The following TMEM204 variants were observed in gnomAD, a reference collection of about 807,000 sequenced individuals.
The protein encoded by TMEM204 is transmembrane protein 204.
In TMEM204, 15 loss-of-function variants were observed where a neutral mutation model predicts 19.4. That is an observed-to-expected ratio of 0.77 (90% CI 0.52 to 1.19). TMEM204 has a LOEUF of 1.19. Ranked by LOEUF, TMEM204 falls within the 50% of genes most tolerant of loss-of-function variation. The probability of loss-of-function intolerance (pLI) is 0.00; values close to 1 mark genes in which losing one functional copy is unlikely to be tolerated. For missense variants in TMEM204, 287 were observed against 321.2 expected, an observed-to-expected ratio of 0.89 and a Z score of 0.81; for synonymous variants, 161 against 146.0, an observed-to-expected ratio of 1.10 and a Z score of -0.74.
At chr16:1,530,528 C>A (rs544502574), upstream of TMEM204, among the ~76,000 whole-genome samples, 2 of 152,210 alleles carry the variant, frequency 1.3e-5, no homozygotes, top group Non-Finnish European at 2.9e-5. Flanking sequence ...TCTACCTGCC[C>A]CGCGTGGCTC....
At chr16:1,529,740 G>A (rs571447912), upstream of TMEM204, among the ~76,000 whole-genome samples, 121 of 152,302 alleles carry the variant, frequency 7.9e-4, no homozygotes, top group African/African-American at 2.6e-3. Context: ...AAAAATCCAC[G>A]TGGAAGGACC....
chr16:1,529,686 G>T (rs1298407102), upstream of TMEM204, among the ~76,000 whole-genome samples: 1 of 152,224 alleles, frequency 6.6e-6, no homozygotes, highest in African/African-American at 2.4e-5. Context: ...TCTAACAGCA[G>T]AAAACCAAGG....
Position 1,555,059 on chromosome 16 carries a change from C to T in TMEM204, c.*33C>T. The T allele has an allele frequency of 6.3e-7, 1 of 1,582,558 alleles. No individual in the cohort carries two copies. The highest frequency in any genetic ancestry group is 1.3e-5 in the African/African-American group (1 of 74,740). ...TTCTCAGCGCTCCATCAACGCACAC[C>T]TGCTATCGTGGAACAGCCTAGAAAC... On this transcript the variant is annotated 3_prime_UTR_variant, in exon 3 of 3. Transcript: ENST00000566264.
intron 1 of TMEM204, among the ~76,000 whole-genome samples, chr16:1,535,552 C>T (rs1029973600): frequency 1.2e-4 from 19 of 152,216 alleles, no homozygotes; most frequent in Admixed American, 9.8e-4. Context: ...TCCAGGCTTC[C>T]GAGGGAGTCC....
chr16:1,541,591 G>A (rs2050117), intron 1 of TMEM204: 143,418 of 722,652 alleles, frequency 0.2, 15,017 homozygotes, highest in South Asian at 0.33. Context: ...CCACGCCAGC[G>A]CCTTCAAGGG....
intron 2 of TMEM204, among the ~76,000 whole-genome samples, chr16:1,544,610 G>A (rs147664101): frequency 1.6e-3 from 239 of 152,156 alleles, no homozygotes; most frequent in African/African-American, 1.8e-3. Context: ...AATTACAAAC[G>A]TGTGCTACTG....
At chr16:1,538,568 G>A (rs1179797722) in intron 1 of TMEM204, among the ~76,000 whole-genome samples, 2 of 152,306 alleles carry the variant, frequency 1.3e-5, no homozygotes, top group East Asian at 1.9e-4. Context: ...CCTGGGCAGG[G>A]AATCTGAGCT....
At chr16:1,537,945 A>AC (rs2031239290) in intron 1 of TMEM204, among the ~76,000 whole-genome samples, 1 of 151,964 alleles carries the variant, frequency 6.6e-6, no homozygotes, top group Admixed American at 6.6e-5. Flanking sequence ...CCCGGGCTTC[A>AC]CCCCCTGCTC....
In TMEM204 at chr16:1,553,146, G is replaced by C. The variant is rs942614737; in HGVS notation, c.437-1636G>C. On this transcript the variant is annotated intron_variant, in intron 2 of 2. Transcript: ENST00000566264. This position sits in a 1 kb window ranked among gnomAD's most constrained non-coding sequence, Gnocchi z 4.4. ...TGAAAAGATAATGCTTGGGTTTTTA[G>C]GAAAAACAAGGCTGGTTACCCATCT... is the stretch of plus-strand genomic sequence containing the variant. 1.0e-6 allele frequency: 1 copy of C among 985,206 alleles called. No individual in the cohort carries two copies. The highest frequency in any genetic ancestry group is 1.2e-6 in the Non-Finnish European group (1 of 829,918). The allele number at this position is 985,206 out of a possible 1,614,324, so 61.0% of individuals were successfully genotyped here.
At position 1,553,902 on chromosome 16, in the gene TMEM204, AAGAACTAAAAAGG is replaced by A; in HGVS notation, c.437-879_437-867del. The A allele has an allele frequency of 7.9e-7, 1 of 1,271,848 alleles. No homozygotes were observed. Among genetic ancestry groups the A allele is most frequent in the Non-Finnish European group, 1.0e-6 (1 of 978,710 alleles). The allele number at this position is 1,271,848 out of a possible 1,614,324, so 78.8% of individuals were successfully genotyped here. On this transcript the variant is annotated intron_variant, in intron 2 of 2. Transcript: ENST00000566264. The surrounding 1 kb of genome is among the most constrained non-coding windows in gnomAD (Gnocchi z 4.4). Reference sequence around the variant, plus strand: ...CACGAAACCCTGATTTTCCTGTTGTAAGAACTAAAAAGGTCTTTGGAGCTCCTCAAAGATAAAA... The same window carrying A: ...CACGAAACCCTGATTTTCCTGTTGTATCTTTGGAGCTCCTCAAAGATAAAA...
chr16:1,534,258 G>C lies in TMEM204; in HGVS notation c.-18G>C, dbSNP rs1190978351. The C allele has an allele frequency of 6.2e-7, 1 of 1,608,076 alleles. No homozygotes were observed. Among genetic ancestry groups the C allele is most frequent in the African/African-American group, 1.3e-5 (1 of 74,750 alleles). On this transcript the variant is annotated 5_prime_UTR_variant, in exon 1 of 3. Transcript: ENST00000566264. The stretch of plus-strand genomic sequence containing the variant: ...GGACTTGGCTTTCTCCGGATAAGCG[G>C]CGGCACCGGCGTCAGCGATGACCGT...
chr16:1,539,610 G>C (rs979657792), intron 1 of TMEM204, among the ~76,000 whole-genome samples: 1 of 152,258 alleles, frequency 6.6e-6, no homozygotes, highest in African/African-American at 2.4e-5. Context: ...TCGCGGGAGC[G>C]CTATGGTTTC....
At chr16:1,529,223 C>G (rs2030175069), upstream of TMEM204, among the ~76,000 whole-genome samples, 1 of 152,242 alleles carries the variant, frequency 6.6e-6, no homozygotes, top group Non-Finnish European at 1.5e-5. Context: ...TAGCAGCAAC[C>G]AACCTGGCAG....
intron 2 of TMEM204, among the ~76,000 whole-genome samples, chr16:1,543,585 A>T (rs1183123032): frequency 6.6e-6 from 1 of 152,236 alleles, no homozygotes; most frequent in Non-Finnish European, 1.5e-5. Flanking sequence ...TGACTAAACT[A>T]ACGTGAGCCT....
At chr16:1,541,789 G>C in intron 1 of TMEM204, 132 bp from the exon 2 acceptor site, 2 of 1,129,702 alleles carry the variant, frequency 1.8e-6, no homozygotes. Flanking sequence ...CGAAGCCACT[G>C]CCCAATGGAG....
chr16:1,530,133 C>CTTTTTTTTTTTTTTT (rs922819138), upstream of TMEM204, among the ~76,000 whole-genome samples: 55 of 88,578 alleles, frequency 6.2e-4, 6 homozygotes, highest in African/African-American at 2.6e-3. Flanking sequence ...CGACGGGAAT[C>CTTTTTTTTTTTTTTT]TTTTTTTTTT....
chr16:1,539,304 G>A (rs993844601), intron 1 of TMEM204, among the ~76,000 whole-genome samples: 7 of 152,062 alleles, frequency 4.6e-5, no homozygotes, highest in Admixed American at 3.3e-4. Flanking sequence ...TGCCAGTGAC[G>A]TCCCATGCCT....
intron 1 of TMEM204, among the ~76,000 whole-genome samples, chr16:1,536,012 G>A (rs918877307): frequency 2.6e-5 from 4 of 152,234 alleles, no homozygotes; most frequent in Non-Finnish European, 4.4e-5. Context: ...TCTCGCGGGG[G>A]CAGCGGCTTT....
At chr16:1,550,626 G>C (rs1409910645) in intron 2 of TMEM204, among the ~76,000 whole-genome samples, 1 of 152,140 alleles carries the variant, frequency 6.6e-6, no homozygotes. Context: ...CAGGGCAGGA[G>C]GCCGGGCTCA....
Sources: allele counts gnomAD v4.1 joint callset (sites outside exome capture counted in the v4.1 genomes callset), GRCh38; gene constraint gnomAD v4.1.1; non-coding constraint Gnocchi (gnomAD v3.1); transcripts MANE v1.5; gene names NCBI Gene and HGNC (gene_info 2026-07-23, HGNC 2026-07-21).